Variants in OVCH1 observed in about 807,000 individuals in gnomAD.
The protein encoded by OVCH1 is ovochymase 1.
OVCH1 carries 139 observed loss-of-function variants against 138.4 expected under a neutral mutation model. That is an observed-to-expected ratio of 1.00 (90% confidence interval 0.87 to 1.16). The LOEUF (loss-of-function observed/expected upper bound fraction) is 1.16, where lower values mean the gene tolerates loss of function less well. Among genes scored for constraint, OVCH1 ranks in the 50% most tolerant of loss-of-function variants. The probability of loss-of-function intolerance (pLI) is 0.00; values close to 1 mark genes in which losing one functional copy is unlikely to be tolerated. For synonymous variants in OVCH1, 453 were observed against 467.8 expected, an observed-to-expected ratio of 0.97 and a Z score of 0.41; for missense variants, 1,367 against 1,357.9, an observed-to-expected ratio of 1.01 and a Z score of -0.11.
intron 2 of OVCH1, 135 bp downstream of exon 2, chr12:29,496,421 C>T (rs957509275): frequency 5.6e-5 from 63 of 1,123,936 alleles, no homozygotes; most frequent in Admixed American, 1.2e-4. Context: ...ATAGTTCCTA[C>T]GAAGTAAACT....
intron 3 of OVCH1, among the ~76,000 whole-genome samples, chr12:29,414,576 A>G (rs914677100): frequency 1.3e-5 from 2 of 152,190 alleles, no homozygotes; most frequent in African/African-American, 4.8e-5. Flanking sequence ...CTATTGCTAC[A>G]TTGCCTGACT....
intron 26 of OVCH1, among the ~76,000 whole-genome samples, chr12:29,435,934 G>T (rs954824139): frequency 3.9e-5 from 6 of 151,968 alleles, no homozygotes; most frequent in Non-Finnish European, 7.4e-5. Context: ...GAAAAATTTA[G>T]AGAATTTCAA....
chr12:29,485,494 G>T (rs1239759331), intron 8 of OVCH1, among the ~76,000 whole-genome samples: 11 of 151,012 alleles, frequency 7.3e-5, no homozygotes, highest in Admixed American at 7.3e-4. Context: ...TACAAAAATT[G>T]CCGGGCACAG....
At chr12:29,457,888 A>G (rs1942007306) in intron 19 of OVCH1, among the ~76,000 whole-genome samples, 1 of 152,196 alleles carries the variant, frequency 6.6e-6, no homozygotes, top group African/African-American at 2.4e-5. Context: ...TACAGTTTCA[A>G]TAACATTTGA....
rs55802302 is a variant in OVCH1, at chr12:29,475,376, T to C, written c.1472-187A>G. On this transcript the variant is annotated intron_variant, in intron 13 of 27. Coordinates refer to ENST00000318184, the Ensembl canonical transcript of OVCH1. ...CAATAACAATGCGCTGTAATTTTAATTGCACAGAAAAAGCTCTAAAATAAG... is the reference window on the plus strand; with the variant it reads ...CAATAACAATGCGCTGTAATTTTAACTGCACAGAAAAAGCTCTAAAATAAG... 1.7e-3 allele frequency among the ~76,000 whole-genome samples: 254 copies of C among 152,252 alleles called. No individual in the cohort carries two copies. Among genetic ancestry groups the C allele is most frequent in the Non-Finnish European group, 2.8e-3 (189 of 68,014 alleles).
chr12:29,409,095 T>C (rs1404795970), downstream of OVCH1, among the ~76,000 whole-genome samples: 1 of 152,230 alleles, frequency 6.6e-6, no homozygotes, highest in African/African-American at 2.4e-5. Context: ...TTTATTTGCG[T>C]AGAGGTGTTT....
At chr12:29,471,009 A>ATATATATTTTTTC (rs1942488338) in intron 16 of OVCH1, among the ~76,000 whole-genome samples, 1 of 152,032 alleles carries the variant, frequency 6.6e-6, no homozygotes, top group African/African-American at 2.4e-5. Flanking sequence ...TGGCCACATA[A>ATATATATTTTTTC]ATGTCTTTTT....
chr12:29,470,755 A>G (rs1359335146), intron 16 of OVCH1, among the ~76,000 whole-genome samples: 1 of 152,134 alleles, frequency 6.6e-6, no homozygotes, highest in African/African-American at 2.4e-5. Flanking sequence ...TGCTAGGTCA[A>G]TTGGTATTTC....
Position 29,450,288 on chromosome 12 carries a change from GA to G in OVCH1, c.2755+1056del, listed in dbSNP as rs1470179542. On this transcript the variant is annotated intron_variant, in intron 22 of 27. Transcript: ENST00000318184. The stretch of plus-strand genomic sequence containing the variant: ...CCATCTGACAAAGGGCTAATATCCA[GA>G]ATCTACAAGGAACTTAAACAAATTC... Among the ~76,000 whole-genome samples the G allele has an allele frequency of 2.0e-5, 3 of 152,116 alleles. No homozygotes were observed. The East Asian group carries it at 5.8e-4, about 29-fold the overall frequency.
downstream of OVCH1, among the ~76,000 whole-genome samples, chr12:29,426,856 G>C (rs1235815418): frequency 6.6e-6 from 1 of 152,178 alleles, no homozygotes; most frequent in East Asian, 1.9e-4. Flanking sequence ...CAATATGGTA[G>C]TCACTCGCTA....
chr12:29,490,117 G>C (rs1390452290), intron 5 of OVCH1, among the ~76,000 whole-genome samples: 1 of 152,146 alleles, frequency 6.6e-6, no homozygotes, highest in African/African-American at 2.4e-5. Context: ...AGGCTGGAGT[G>C]CAATGGTACA....
At chr12:29,429,408 T>C (rs1291642019) in intron 27 of OVCH1, among the ~76,000 whole-genome samples, 1 of 152,196 alleles carries the variant, frequency 6.6e-6, no homozygotes, top group Non-Finnish European at 1.5e-5. Flanking sequence ...AGGATTCTAA[T>C]GAAGGATCTG....
chr12:29,492,905 G>A (rs1285585345), intron 4 of OVCH1, among the ~76,000 whole-genome samples: 1 of 152,130 alleles, frequency 6.6e-6, no homozygotes, highest in Non-Finnish European at 1.5e-5. Flanking sequence ...GAATTCAAGT[G>A]AAGAAAATAT....
At chr12:29,416,933 A>G (rs777544743) in intron 3 of OVCH1, among the ~76,000 whole-genome samples, 11 of 152,202 alleles carry the variant, frequency 7.2e-5, no homozygotes, top group Non-Finnish European at 1.2e-4. Flanking sequence ...ACCATTAAAC[A>G]AACTGTGGTA....
At chr12:29,461,792 A>G in intron 19 of OVCH1, 62 bp downstream of exon 19, 4 of 1,592,618 alleles carry the variant, frequency 2.5e-6, no homozygotes, top group Non-Finnish European at 3.4e-6. Flanking sequence ...TCTCCTGTCT[A>G]TAGAAACTCT....
intron 19 of OVCH1, 68 bp downstream of exon 19, chr12:29,461,786 C>T (rs771621550): frequency 5.8e-5 from 91 of 1,581,574 alleles, no homozygotes; most frequent in Non-Finnish European, 7.4e-5. Context: ...ATGGTTTCTC[C>T]TGTCTATAGA....
chr12:29,491,321 G>A lies in OVCH1; in HGVS notation c.455-129C>T, dbSNP rs995762036. ...TAAATGTAATGGTGACATATTTTAA[G>A]TTTTGGCCCCTCCATATAAAACCGT... On this transcript the variant is annotated intron_variant, in intron 4 of 27. Coordinates refer to ENST00000318184, the Ensembl canonical transcript of OVCH1. The A allele has an allele frequency of 6.5e-6, 5 of 771,700 alleles. No individual in the cohort carries two copies. The African/African-American group carries it at 7.1e-5, about 11-fold the overall frequency. The allele number at this position is 771,700 out of a possible 1,614,324, so 47.8% of individuals were successfully genotyped here. A position where few individuals can be genotyped will look rare whatever the true frequency, so the allele number is the denominator to read the frequency against.
exon 24 of OVCH1, chr12:29,444,154 G>A (rs1941555662): frequency 6.2e-7 from 1 of 1,606,768 alleles, no homozygotes; most frequent in Non-Finnish European, 8.5e-7. Flanking sequence ...CCCCATAGTA[G>A]TTCTGTGAGA....
intron 26 of OVCH1, among the ~76,000 whole-genome samples, chr12:29,438,118 T>C (rs1555142863): frequency 1.3e-5 from 2 of 152,188 alleles, no homozygotes; most frequent in Non-Finnish European, 2.9e-5. Context: ...GAGAAAGTCC[T>C]TCTCCATATG....
Sources: allele counts gnomAD v4.1 joint callset (sites outside exome capture counted in the v4.1 genomes callset), GRCh38; gene constraint gnomAD v4.1.1; transcripts MANE v1.5; gene names NCBI Gene and HGNC (gene_info 2026-07-23, HGNC 2026-07-21).